The following AUTS2 variants were observed in gnomAD, a reference collection of about 807,000 sequenced individuals.
AUTS2 encodes the protein activator of transcription and developmental regulator AUTS2.
In AUTS2, 17 loss-of-function variants were observed where a neutral mutation model predicts 112.4. That is an observed-to-expected ratio of 0.15 (90% CI 0.10 to 0.23). AUTS2 has a LOEUF of 0.23. Ranked by LOEUF, AUTS2 falls within the 10% of genes least tolerant of loss-of-function variation. The probability of loss-of-function intolerance (pLI) is 1.00; values close to 1 mark genes in which losing one functional copy is unlikely to be tolerated. For missense variants in AUTS2, 1,510 were observed against 1,701.6 expected, an observed-to-expected ratio of 0.89 and a Z score of 1.98; for synonymous variants, 751 against 702.7, an observed-to-expected ratio of 1.07 and a Z score of -1.09.
At chr7:70,485,839 G>A (rs914936472) in intron 5 of AUTS2, among the ~76,000 whole-genome samples, 2 of 151,998 alleles carry the variant, frequency 1.3e-5, no homozygotes, top group Non-Finnish European at 2.9e-5. Flanking sequence ...CACCTGGATC[G>A]CCATGCAGGG....
intron 3 of AUTS2, among the ~76,000 whole-genome samples, chr7:70,128,232 G>A (rs550769516): frequency 6.6e-6 from 1 of 152,124 alleles, no homozygotes; most frequent in South Asian, 2.1e-4. Context: ...CAGTATTTCA[G>A]TTGCCAAGAA....
intron 18 of AUTS2, 66 bp downstream of exon 18, chr7:70,787,497 C>G: frequency 1.7e-6 from 2 of 1,186,284 alleles, no homozygotes. Flanking sequence ...ACCAGTGGAA[C>G]TGGCCGCCCA....
chr7:69,932,487 A>G (rs1796262718), intron 2 of AUTS2, among the ~76,000 whole-genome samples: 1 of 152,248 alleles, frequency 6.6e-6, no homozygotes, highest in East Asian at 1.9e-4. Flanking sequence ...GATTTGGTAA[A>G]TAGAAAGTTA....
At chr7:70,752,358 T>A (rs1788920821) in intron 6 of AUTS2, among the ~76,000 whole-genome samples, 1 of 152,204 alleles carries the variant, frequency 6.6e-6, no homozygotes, top group Admixed American at 6.5e-5. Context: ...GATTGCATCC[T>A]TCATACCTTA....
intron 6 of AUTS2, among the ~76,000 whole-genome samples, chr7:70,727,658 T>C (rs1482348150): frequency 1.3e-5 from 2 of 152,152 alleles, no homozygotes; most frequent in African/African-American, 2.4e-5. Context: ...AGGCTGTTTT[T>C]AAAACTTACG....
At chr7:69,600,408 C>CGTGT (rs113179115) in intron 1 of AUTS2, among the ~76,000 whole-genome samples, 10,763 of 143,322 alleles carry the variant, frequency 0.075, 472 homozygotes, top group Non-Finnish European at 0.11. Context: ...GTCATATGTT[C>CGTGT]GTGTGTGTGT....
intron 2 of AUTS2, among the ~76,000 whole-genome samples, chr7:70,078,689 C>A (rs1803155521): frequency 6.6e-6 from 1 of 152,094 alleles, no homozygotes; most frequent in South Asian, 2.1e-4. Flanking sequence ...ATCCCCCCAA[C>A]CCCTGAAGGG....
At chr7:70,459,921 TA>T (rs1334292602) in intron 5 of AUTS2, among the ~76,000 whole-genome samples, 1 of 152,158 alleles carries the variant, frequency 6.6e-6, no homozygotes, top group Non-Finnish European at 1.5e-5. Flanking sequence ...CCCTCATGAC[TA>T]TGAGTCCAGT....
intron 5 of AUTS2, among the ~76,000 whole-genome samples, chr7:70,642,022 T>C (rs1021704923): frequency 2.0e-5 from 3 of 152,224 alleles, no homozygotes; most frequent in Admixed American, 6.5e-5. Context: ...ATCCTTGTAA[T>C]GTGTCTATTT....
At chr7:70,155,413 T>C (rs1054795752) in intron 4 of AUTS2, among the ~76,000 whole-genome samples, 4 of 151,786 alleles carry the variant, frequency 2.6e-5, no homozygotes, top group African/African-American at 9.7e-5. Flanking sequence ...TTTACTTTGA[T>C]TGTGGCCTCA....
intron 6 of AUTS2, among the ~76,000 whole-genome samples, chr7:70,751,828 C>G (rs548986092): frequency 1.2e-3 from 184 of 152,192 alleles, no homozygotes; most frequent in African/African-American, 4.2e-3. Flanking sequence ...TCAAGTGATT[C>G]TCCTGCCTCA....
In AUTS2 at chr7:69,719,468, T is replaced by C. The variant is rs867704654; in HGVS notation, c.309+119506T>C. Among the ~76,000 whole-genome samples, 14 of 152,306 alleles carry C rather than the reference T, an allele frequency of 9.2e-5. No homozygotes were observed. The East Asian group carries it at 2.7e-3, about 29-fold the overall frequency. On this transcript the variant is annotated intron_variant, in intron 1 of 18. Transcript: ENST00000342771. ...ATACAGAAAAAGCTGGTAAGGTCTT[T>C]ACATTTACCATGGAAACAAGAAATC... is the stretch of plus-strand genomic sequence containing the variant.
intron 2 of AUTS2, among the ~76,000 whole-genome samples, chr7:70,007,836 A>C (rs1367017247): frequency 1.3e-5 from 2 of 152,168 alleles, no homozygotes; most frequent in African/African-American, 4.8e-5. Flanking sequence ...AAGATTTTCT[A>C]TTTATTCAGA....
At chr7:70,503,713 C>T (rs2116666168) in intron 5 of AUTS2, among the ~76,000 whole-genome samples, 1 of 151,512 alleles carries the variant, frequency 6.6e-6, no homozygotes, top group Non-Finnish European at 1.5e-5. Context: ...GAGGTGAGGT[C>T]TTCTTATGTT....
chr7:70,020,986 T>C (rs1027479026), intron 2 of AUTS2, among the ~76,000 whole-genome samples: 1 of 151,254 alleles, frequency 6.6e-6, no homozygotes, highest in African/African-American at 2.4e-5. Flanking sequence ...ACTTTTCTTT[T>C]CTTTTCTTTT....
At chr7:70,221,690 C>T (rs994006173) in intron 4 of AUTS2, among the ~76,000 whole-genome samples, 1 of 152,204 alleles carries the variant, frequency 6.6e-6, no homozygotes, top group Non-Finnish European at 1.5e-5. Context: ...AGTTTGAGGC[C>T]AGCTTGGCCA....
chr7:70,651,988 G>A (rs750084865), intron 5 of AUTS2, among the ~76,000 whole-genome samples: 5 of 152,142 alleles, frequency 3.3e-5, no homozygotes, highest in African/African-American at 4.8e-5. Context: ...TGTAAGCAGT[G>A]AAGACATCAC....
At chr7:69,801,161 AT>A (rs1259731146) in intron 1 of AUTS2, among the ~76,000 whole-genome samples, 1 of 151,070 alleles carries the variant, frequency 6.6e-6, no homozygotes, top group Non-Finnish European at 1.5e-5. Flanking sequence ...ATCAATAAAC[AT>A]TTTTTGACTG....
chr7:70,013,102 G>C (rs1356756397), intron 2 of AUTS2, among the ~76,000 whole-genome samples: 1 of 152,172 alleles, frequency 6.6e-6, no homozygotes, highest in Non-Finnish European at 1.5e-5. Context: ...GCAGCAAGGG[G>C]TGAAAATGTG....
Sources: gnomAD v4.1 joint callset for allele counts (sites outside exome capture counted in the v4.1 genomes callset) on GRCh38, gnomAD v4.1.1 for gene constraint, MANE v1.5 for transcripts, NCBI Gene and HGNC (gene_info 2026-07-23, HGNC 2026-07-21) for gene names.